Variants in SLC22A16 observed in about 807,000 individuals in gnomAD.
SLC22A16 encodes WUGSC:RG331P03.1.
SLC22A16 carries 53 observed loss-of-function variants against 52.9 expected under a neutral mutation model. The ratio of observed to expected loss-of-function variants is 1.00; its 90% CI spans 0.80 to 1.26. The LOEUF (loss-of-function observed/expected upper bound fraction) is 1.26. Among genes scored for constraint, SLC22A16 ranks in the 50% most tolerant of loss-of-function variants. The pLI, the probability that SLC22A16 is intolerant of heterozygous loss-of-function variation, is 0.00. For missense variants in SLC22A16, 726 were observed against 704.0 expected (o/e 1.03, Z -0.35); for synonymous variants, 291 against 268.8 (o/e 1.08, Z -0.81).
rs370756216 is a variant in SLC22A16, at chr6:110,432,666, G to A, written c.1422-1396C>T. ...GCCACAACGGAGCCAAAGCCACAAC[G>A]CAAGTTGGCAATTATGCAACTTCAC... On this transcript the variant is annotated intron_variant, in intron 6 of 7. Transcript: ENST00000368919. Among the ~76,000 whole-genome samples, 186 of 152,280 alleles carry A rather than the reference G, an allele frequency of 1.2e-3. 1 individual carries two copies. Among genetic ancestry groups the A allele is most frequent in the African/African-American group, 4.4e-3 (183 of 41,554 alleles).
At chr6:110,425,302 C>A in intron 7 of SLC22A16, 1 of 1,484,318 alleles carries the variant, frequency 6.7e-7, no homozygotes, top group Non-Finnish European at 9.0e-7. Context: ...CTCATTCATT[C>A]CTTCATGACC....
At chr6:110,463,964 A>T (rs1775980127) in intron 1 of SLC22A16, among the ~76,000 whole-genome samples, 1 of 152,128 alleles carries the variant, frequency 6.6e-6, no homozygotes, top group Non-Finnish European at 1.5e-5. Context: ...CCACAGAGGA[A>T]TAAAATTAGA....
At chr6:110,439,437 A>G (rs1774876378) in intron 4 of SLC22A16, among the ~76,000 whole-genome samples, 1 of 152,204 alleles carries the variant, frequency 6.6e-6, no homozygotes, top group Non-Finnish European at 1.5e-5. Flanking sequence ...TCAAATTGTC[A>G]TAGAGAATGA....
intron 1 of SLC22A16, among the ~76,000 whole-genome samples, chr6:110,471,106 G>A (rs1054571316): frequency 6.6e-5 from 10 of 152,082 alleles, no homozygotes; most frequent in South Asian, 2.1e-4. Flanking sequence ...ACGACGTTTC[G>A]GTCAATGATG....
chr6:110,443,494 C>G (rs1775054017), intron 3 of SLC22A16, among the ~76,000 whole-genome samples: 1 of 151,938 alleles, frequency 6.6e-6, no homozygotes, highest in Non-Finnish European at 1.5e-5. Flanking sequence ...CAAAGAGATA[C>G]CCCCTCATAC....
At chr6:110,432,099 C>T (rs1774529712) in intron 6 of SLC22A16, among the ~76,000 whole-genome samples, 1 of 152,160 alleles carries the variant, frequency 6.6e-6, no homozygotes, top group South Asian at 2.1e-4. Context: ...AAAGACTGTC[C>T]TTTTATGTGA....
At chr6:110,462,818 G>A (rs1268042392) in intron 1 of SLC22A16, among the ~76,000 whole-genome samples, 1 of 152,070 alleles carries the variant, frequency 6.6e-6, no homozygotes, top group Non-Finnish European at 1.5e-5. Flanking sequence ...AAGGCATATA[G>A]TCATCATACT....
intron 2 of SLC22A16, among the ~76,000 whole-genome samples, chr6:110,452,074 A>C (rs1202496782): frequency 6.6e-6 from 1 of 152,204 alleles, no homozygotes; most frequent in Non-Finnish European, 1.5e-5. Flanking sequence ...TTATGAATGC[A>C]CAAGTCTATT....
At chr6:110,452,422 C>T (rs1775421407) in intron 2 of SLC22A16, among the ~76,000 whole-genome samples, 1 of 152,082 alleles carries the variant, frequency 6.6e-6, no homozygotes, top group South Asian at 2.1e-4. Flanking sequence ...TTCCTTCTAC[C>T]TCTTTCTCTC....
chr6:110,439,893 A>G (rs1384891935), intron 4 of SLC22A16: 2 of 152,236 alleles, frequency 1.3e-5, no homozygotes, highest in African/African-American at 4.8e-5. Context: ...AAGTTATTTT[A>G]CTAACTAAAA....
intron 3 of SLC22A16, among the ~76,000 whole-genome samples, chr6:110,443,689 A>G (rs956419280): frequency 6.6e-6 from 1 of 152,214 alleles, no homozygotes; most frequent in African/African-American, 2.4e-5. Context: ...TATATACCCA[A>G]AGGAATTGAA....
Position 110,456,700 on chromosome 6 carries a change from G to A in SLC22A16, c.371C>T (p.Pro124Leu), listed in dbSNP as rs1775669940. Residue 124 changes from proline (P) to leucine (L), a missense_variant, in exon 2 of 8, where the codon CCT becomes CTT. By Grantham distance (98) the Pro-to-Leu change is moderately conservative. Transcript: ENST00000368919. ...GTCATATATGTAGCCATCCACACAA[G>A]GAAACTCTTTCTTACTGCCAGTGTA... ...YEYTGSKKEF[P>L]CVDGYIYDQN... is the part of the protein sequence containing the mutation. 1 of 1,614,040 alleles carries A rather than the reference G, an allele frequency of 6.2e-7. No homozygotes were observed. Among genetic ancestry groups the A allele is most frequent in the Non-Finnish European group, 8.5e-7 (1 of 1,180,034 alleles).
In SLC22A16 at chr6:110,431,153, C is replaced by G; in HGVS notation, c.1521+18G>C. On this transcript the variant is annotated intron_variant, in intron 7 of 7. Coordinates refer to ENST00000368919, the MANE Select transcript of SLC22A16 (RefSeq NM_033125.4). ...GCCTCCGTGCCCCCTTGGGGAGGGT[C>G]TGCAAACTGAAGCACACCTGTGGTA... The G allele has an allele frequency of 6.2e-7, 1 of 1,609,780 alleles. No individual in the cohort carries two copies. The highest frequency in any genetic ancestry group is 8.5e-7 in the Non-Finnish European group (1 of 1,176,412).
intron 1 of SLC22A16, among the ~76,000 whole-genome samples, chr6:110,469,402 T>G (rs1776184271): frequency 2.0e-5 from 3 of 152,044 alleles, no homozygotes; most frequent in African/African-American, 7.2e-5. Flanking sequence ...AATACAAAAA[T>G]TAGCCAGGCA....
chr6:110,435,985 A>T (rs774282394), intron 5 of SLC22A16, 24 bp from the exon 6 acceptor site: 21 of 1,446,390 alleles, frequency 1.5e-5, no homozygotes, highest in Non-Finnish European at 1.9e-5. Flanking sequence ...AGCAGAATAG[A>T]TCATCACAAG....
At chr6:110,459,387 G>C (rs188696351) in intron 1 of SLC22A16, among the ~76,000 whole-genome samples, 84 of 152,256 alleles carry the variant, frequency 5.5e-4, no homozygotes, top group Middle Eastern at 3.4e-3. Flanking sequence ...CTGATGAGAA[G>C]GGCACTTCAT....
intron 1 of SLC22A16, among the ~76,000 whole-genome samples, chr6:110,464,451 A>G (rs929344077): frequency 2.0e-5 from 3 of 152,104 alleles, no homozygotes; most frequent in African/African-American, 7.2e-5. Context: ...ACAATCAGAA[A>G]TGATAAAAGT....
chr6:110,437,299 C>T (rs1774773134), intron 5 of SLC22A16, among the ~76,000 whole-genome samples: 1 of 152,174 alleles, frequency 6.6e-6, no homozygotes. Flanking sequence ...TCTTTCTCAT[C>T]TTCCCTATTA....
intron 7 of SLC22A16, among the ~76,000 whole-genome samples, chr6:110,427,885 C>A (rs776653665): frequency 6.6e-6 from 1 of 152,204 alleles, no homozygotes; most frequent in Non-Finnish European, 1.5e-5. Flanking sequence ...CCCTTCTCTT[C>A]GGGACTGGTG....
Sources: allele counts gnomAD v4.1 joint callset (sites outside exome capture counted in the v4.1 genomes callset), GRCh38; gene constraint gnomAD v4.1.1; transcripts MANE v1.5; gene names NCBI Gene and HGNC (gene_info 2026-07-23, HGNC 2026-07-21).